Variants in CYP2J2 observed in about 807,000 individuals in gnomAD.
CYP2J2 encodes the protein cytochrome P450 2J2.
In CYP2J2, 41 loss-of-function variants were observed where a neutral mutation model predicts 48.8. The observed-to-expected ratio is 0.84, with a 90% CI of 0.66 to 1.09. The LOEUF (loss-of-function observed/expected upper bound fraction) is 1.09, where lower values mean the gene tolerates loss of function less well. Ranked by LOEUF, CYP2J2 falls within the 50% of genes least tolerant of loss-of-function variation. The probability of loss-of-function intolerance (pLI) is 0.00; values close to 1 mark genes in which losing one functional copy is unlikely to be tolerated. For missense variants in CYP2J2, 644 were observed against 617.3 expected, an observed-to-expected ratio of 1.04 and a Z score of -0.46; for synonymous variants, 221 against 227.1, an observed-to-expected ratio of 0.97 and a Z score of 0.24.
the CYP2J2 span, among the ~76,000 whole-genome samples, chr1:59,956,526 A>G: frequency 6.6e-6 from 1 of 152,136 alleles, no homozygotes; most frequent in African/African-American, 2.4e-5. Flanking sequence ...TATCCAAACT[A>G]ATTTTAATAG....
At position 59,918,670 on chromosome 1, in the gene CYP2J2, GA is replaced by G. The variant is rs370041144; in HGVS notation, c.211-2571del. Reference sequence around the variant, plus strand: ...AATTGTATATCATTAAATGAGCCACGAAAAAAAAAAAACCTTAACAGAATAA... The same window carrying G: ...AATTGTATATCATTAAATGAGCCACGAAAAAAAAAAACCTTAACAGAATAA... On this transcript the variant is annotated intron_variant, in intron 1 of 8. Transcript: ENST00000371204. 8.6e-3 allele frequency among the ~76,000 whole-genome samples: 1,114 copies of G among 129,902 alleles called. 13 individuals are homozygous for G. The highest frequency in any genetic ancestry group is 0.024 in the African/African-American group (848 of 35,474). The allele number at this position is 129,902 out of a possible 152,430, so 85.2% of individuals were successfully genotyped here. A position where few individuals can be genotyped will look rare whatever the true frequency, so the allele number is the denominator to read the frequency against.
At chr1:59,921,982 C>T (rs1458852632) in intron 1 of CYP2J2, among the ~76,000 whole-genome samples, 1 of 152,312 alleles carries the variant, frequency 6.6e-6, no homozygotes, top group East Asian at 1.9e-4. Context: ...AAATCCCTCA[C>T]TAACCTACCC....
At chr1:59,936,894 T>C in the CYP2J2 span, among the ~76,000 whole-genome samples, 12 of 152,334 alleles carry the variant, frequency 7.9e-5, no homozygotes, top group Admixed American at 1.3e-4. Context: ...TGGGCACATA[T>C]CATAAATACA....
intron 5 of CYP2J2, among the ~76,000 whole-genome samples, chr1:59,909,294 T>C (rs1158260609): frequency 2.6e-5 from 4 of 152,196 alleles, no homozygotes; most frequent in Non-Finnish European, 5.9e-5. Context: ...GGGATGTTAC[T>C]TTATAGGGAA....
At chr1:59,967,356 G>T in the CYP2J2 span, among the ~76,000 whole-genome samples, 34 of 152,310 alleles carry the variant, frequency 2.2e-4, no homozygotes, top group Middle Eastern at 6.8e-3. Flanking sequence ...CAAAGCATGA[G>T]CCTGTCGGCT....
rs750812749 is a variant in CYP2J2, at chr1:59,909,946, A to G, written c.699T>C (p.Phe233=). The part of the protein sequence containing the change: ...ASKTCQLYNV[F]PWIMKFLPGP... Reference sequence around the variant, plus strand: ...CAGGCAGGAATTTCATTATCCATGGAAAGACATTGTAGAGCTAATTGAGAA... The same window carrying G: ...CAGGCAGGAATTTCATTATCCATGGGAAGACATTGTAGAGCTAATTGAGAA... Residue 233 remains phenylalanine (F), a synonymous_variant, in exon 5 of 9, where the codon TTT becomes TTC. Coordinates refer to ENST00000371204, the MANE Select transcript of CYP2J2 (RefSeq NM_000775.4). The G allele has an allele frequency of 2.5e-6, 4 of 1,607,906 alleles. No homozygotes were observed. Among genetic ancestry groups the G allele is most frequent in the South Asian group, 1.1e-5 (1 of 89,336 alleles).
chr1:59,910,991 A>G (rs776579108), intron 4 of CYP2J2, among the ~76,000 whole-genome samples: 3 of 152,218 alleles, frequency 2.0e-5, no homozygotes, highest in Non-Finnish European at 4.4e-5. Context: ...GAGCTTGGCA[A>G]TCTTTAAACT....
At chr1:59,914,807 A>AG (rs1175473063) in intron 2 of CYP2J2, among the ~76,000 whole-genome samples, 1 of 152,214 alleles carries the variant, frequency 6.6e-6, no homozygotes, top group Admixed American at 6.5e-5. Flanking sequence ...TGTGCTGGGG[A>AG]GGATTAATAA....
chr1:59,938,214 G>A, the CYP2J2 span, among the ~76,000 whole-genome samples: 11,305 of 152,240 alleles, frequency 0.074, 577 homozygotes, highest in South Asian at 0.2. Flanking sequence ...TGGGACGAGA[G>A]ACTGATAAAA....
chr1:59,901,723 C>G (rs943878471), intron 7 of CYP2J2, among the ~76,000 whole-genome samples: 2 of 152,126 alleles, frequency 1.3e-5, no homozygotes, highest in Non-Finnish European at 2.9e-5. Flanking sequence ...TGAGACTGGT[C>G]AATTTTACTT....
At chr1:59,950,454 G>A in the CYP2J2 span, among the ~76,000 whole-genome samples, 18 of 152,148 alleles carry the variant, frequency 1.2e-4, no homozygotes, top group Non-Finnish European at 1.8e-4. Flanking sequence ...TGGCCTCCCT[G>A]ACATTTGCTT....
At chr1:59,909,725 C>T in intron 5 of CYP2J2, 59 bp downstream of exon 5, 1 of 1,329,400 alleles carries the variant, frequency 7.5e-7, no homozygotes, top group Non-Finnish European at 1.0e-6. Flanking sequence ...CAGTTGGAAA[C>T]TAATATACCT....
intron 8 of CYP2J2, among the ~76,000 whole-genome samples, chr1:59,900,293 G>A (rs975444647): frequency 9.2e-5 from 14 of 152,132 alleles, no homozygotes; most frequent in African/African-American, 3.4e-4. Context: ...TGAGTGGGCA[G>A]CCCTTAAAAA....
At chr1:59,967,779 C>T in the CYP2J2 span, among the ~76,000 whole-genome samples, 1 of 152,318 alleles carries the variant, frequency 6.6e-6, no homozygotes, top group African/African-American at 2.4e-5. Flanking sequence ...CTGTAACATG[C>T]TATTTGTAAG....
At position 59,901,096 on chromosome 1, in the gene CYP2J2, A is replaced by G; in HGVS notation, c.1199T>C (p.Met400Thr). The G allele has an allele frequency of 6.2e-7, 1 of 1,613,510 alleles. No individual in the cohort carries two copies. ...CAGCGCCGTCAAATTGGTCAGGATCATGGTACCCTAGAGAAAGCAGCAGAG... is the reference window on the plus strand; with the variant it reads ...CAGCGCCGTCAAATTGGTCAGGATCGTGGTACCCTAGAGAAAGCAGCAGAG... ...LAGYHLPKGT[M>T]ILTNLTALHR... Residue 400 changes from methionine (M) to threonine (T), a missense_variant, in exon 8 of 9, where the codon ATG (methionine) becomes ACG (threonine). Coordinates refer to ENST00000371204, the MANE Select transcript of CYP2J2 (RefSeq NM_000775.4).
chr1:59,941,245 G>A, the CYP2J2 span, among the ~76,000 whole-genome samples: 141 of 152,302 alleles, frequency 9.3e-4, no homozygotes, highest in African/African-American at 3.2e-3. Context: ...TTCAGTCAGT[G>A]ATGGCCTGCC....
chr1:59,917,044 G>T (rs948452551), intron 1 of CYP2J2, among the ~76,000 whole-genome samples: 1 of 152,172 alleles, frequency 6.6e-6, no homozygotes, highest in African/African-American at 2.4e-5. Flanking sequence ...GAGCTCTGGA[G>T]TTATGTGACA....
the CYP2J2 span, among the ~76,000 whole-genome samples, chr1:59,946,218 T>C: frequency 6.6e-6 from 1 of 152,194 alleles, no homozygotes; most frequent in Non-Finnish European, 1.5e-5. Flanking sequence ...CTTCTTTTAG[T>C]CTACTGTTGG....
intron 4 of CYP2J2, 40 bp from the exon 5 acceptor site, chr1:59,910,000 T>G (rs746433583): frequency 2.7e-6 from 4 of 1,493,442 alleles, no homozygotes; most frequent in Non-Finnish European, 3.6e-6. Flanking sequence ...GATAACATGG[T>G]GCCATTTTTT....
Sources: allele counts gnomAD v4.1 joint callset (sites outside exome capture counted in the v4.1 genomes callset), GRCh38; gene constraint gnomAD v4.1.1; transcripts MANE v1.5; gene names NCBI Gene and HGNC (gene_info 2026-07-23, HGNC 2026-07-21).